Variants in DSCAM observed in about 807,000 individuals in gnomAD.
DSCAM encodes DS cell adhesion molecule.
DSCAM carries 47 observed loss-of-function variants against 217.7 expected under a neutral mutation model. The observed-to-expected ratio is 0.22, with a 90% CI of 0.17 to 0.28. The LOEUF is 0.28. Among genes scored for constraint, DSCAM ranks in the 10% least tolerant of loss-of-function variants. DSCAM has a pLI of 1.00. For synonymous variants in DSCAM, 1,056 were observed against 1,015.3 expected, an observed-to-expected ratio of 1.04 and a Z score of -0.76; for missense variants, 2,080 against 2,618.3, an observed-to-expected ratio of 0.79 and a Z score of 4.49.
intron 3 of DSCAM, among the ~76,000 whole-genome samples, chr21:40,562,418 A>T (rs976218572): frequency 8.6e-5 from 13 of 151,934 alleles, no homozygotes; most frequent in African/African-American, 3.1e-4. Flanking sequence ...GAGCTAATTA[A>T]CCTCTTTTCT....
At chr21:40,607,623 C>T (rs1482739913) in intron 3 of DSCAM, among the ~76,000 whole-genome samples, 1 of 151,990 alleles carries the variant, frequency 6.6e-6, no homozygotes, top group Non-Finnish European at 1.5e-5. Context: ...GGGGGTTTCC[C>T]TCACACTGTT....
intron 1 of DSCAM, among the ~76,000 whole-genome samples, chr21:40,755,538 GT>G (rs1450186211): frequency 1.3e-5 from 2 of 152,138 alleles, no homozygotes; most frequent in African/African-American, 2.4e-5. Context: ...GGTGGGTATG[GT>G]TTAGATGATA....
chr21:40,568,224 C>G (rs1320933606), intron 3 of DSCAM, among the ~76,000 whole-genome samples: 1 of 152,114 alleles, frequency 6.6e-6, no homozygotes, highest in African/African-American at 2.4e-5. Context: ...CTGACAGTTT[C>G]CCAAGAAGCA....
chr21:40,472,681 G>T (rs558279709), intron 3 of DSCAM, among the ~76,000 whole-genome samples: 2 of 152,276 alleles, frequency 1.3e-5, no homozygotes, highest in South Asian at 4.1e-4. Context: ...TTTCACTTGT[G>T]TGTCTGTTTT....
chr21:40,036,965 A>T (rs371239798), intron 32 of DSCAM, among the ~76,000 whole-genome samples: 21 of 150,766 alleles, frequency 1.4e-4, no homozygotes, highest in Admixed American at 4.6e-4. Flanking sequence ...AAAATTCAAC[A>T]ACCCTTCATG....
chr21:40,239,191 G>A lies in DSCAM; in HGVS notation c.2356+36906C>T, dbSNP rs535794691. Among the ~76,000 whole-genome samples the A allele has an allele frequency of 1.6e-4, 24 of 152,064 alleles. No homozygotes were observed. The South Asian group carries it at 4.0e-3, about 25-fold the overall frequency. ...CAGGATGTCAAAACCTTAAATACCC[G>A]GATACTTAAAGATGAATCGGGCCCT... On this transcript the variant is annotated intron_variant, in intron 11 of 32. Transcript: ENST00000400454.
At chr21:40,463,898 C>T (rs973766942) in intron 3 of DSCAM, among the ~76,000 whole-genome samples, 9 of 152,118 alleles carry the variant, frequency 5.9e-5, no homozygotes, top group South Asian at 2.1e-4. Flanking sequence ...TGAGCACCTC[C>T]TTTTCTGAAA....
At chr21:40,234,569 A>C (rs1601467363) in intron 11 of DSCAM, among the ~76,000 whole-genome samples, 1 of 151,718 alleles carries the variant, frequency 6.6e-6, no homozygotes, top group Non-Finnish European at 1.5e-5. Context: ...GACCATTCTA[A>C]CTCCTGTCTA....
rs1048677824 is a variant in DSCAM, at chr21:40,846,979, G to C, written c.-318C>G. The C allele has an allele frequency of 6.6e-6, 1 of 152,118 alleles. No homozygotes were observed. The highest frequency in any genetic ancestry group is 2.4e-5 in the African/African-American group (1 of 41,436). The allele number at this position is 152,118 out of a possible 1,614,324, so 9.4% of individuals were successfully genotyped here. A position where few individuals can be genotyped will look rare whatever the true frequency, so the allele number is the denominator to read the frequency against. On this transcript the variant is annotated 5_prime_UTR_variant, in exon 1 of 33. Coordinates refer to ENST00000400454, the MANE Select transcript of DSCAM (RefSeq NM_001389.5). ...GGCAGGTGGAGAGAGCCGCAGACGC[G>C]GGCGTGAGCTCATCCCGGGCACTCG...
intron 3 of DSCAM, among the ~76,000 whole-genome samples, chr21:40,670,304 T>G (rs2090256958): frequency 1.3e-5 from 2 of 152,182 alleles, no homozygotes. Flanking sequence ...CCGTTCTAAC[T>G]TTCTGCCTCT....
intron 16 of DSCAM, among the ~76,000 whole-genome samples, chr21:40,146,333 G>A (rs2090357249): frequency 6.6e-6 from 1 of 152,066 alleles, no homozygotes; most frequent in East Asian, 1.9e-4. Flanking sequence ...CCTGCAAAGG[G>A]TGCACACCTG....
At chr21:40,499,868 C>T (rs1484925657) in intron 3 of DSCAM, among the ~76,000 whole-genome samples, 1 of 152,088 alleles carries the variant, frequency 6.6e-6, no homozygotes, top group African/African-American at 2.4e-5. Context: ...GCAATCTTTG[C>T]CTCCTGGGTT....
rs1176244080 is a variant in DSCAM, at chr21:40,456,627, C to G, written c.509-87382G>C. Among the ~76,000 whole-genome samples the G allele has an allele frequency of 2.0e-5, 3 of 151,782 alleles. No homozygotes were observed. In the East Asian group the frequency reaches 5.8e-4, roughly 29 times the overall value. On this transcript the variant is annotated intron_variant, in intron 3 of 32. Transcript: ENST00000400454. Reference sequence around the variant, plus strand: ...GTTCAAAGGTAAAGTCGATTGCTATCTGAAAATTATTGTGAAGTGCAATAC... The same window carrying G: ...GTTCAAAGGTAAAGTCGATTGCTATGTGAAAATTATTGTGAAGTGCAATAC...
rs190021769 is a variant in DSCAM, at chr21:40,450,539, T to C, written c.509-81294A>G. 3.2e-3 allele frequency among the ~76,000 whole-genome samples: 487 copies of C among 152,340 alleles called. 1 individual carries two copies. Among genetic ancestry groups the C allele is most frequent in the African/African-American group, 0.011 (437 of 41,584 alleles). On this transcript the variant is annotated intron_variant, in intron 3 of 32. Coordinates refer to ENST00000400454, the MANE Select transcript of DSCAM (RefSeq NM_001389.5). The stretch of plus-strand genomic sequence containing the variant: ...CAGGGATAAAGCCCTTGATTTAGGA[T>C]TCATGGACAATGACTTCAGAACATT...
Position 40,141,975 on chromosome 21 carries a change from T to TACACACACACACACACACAC in DSCAM, c.3406+563_3406+582dup, listed in dbSNP as rs72076559. The stretch of plus-strand genomic sequence containing the variant: ...GAACATTTTGCCCTACCACTTGAAA[T>TACACACACACACACACACAC]ACACACACACACACACACACACACG... On this transcript the variant is annotated intron_variant, in intron 18 of 32. Coordinates refer to ENST00000400454, the MANE Select transcript of DSCAM (RefSeq NM_001389.5). Among the ~76,000 whole-genome samples the TACACACACACACACACACAC allele has an allele frequency of 9.2e-3, 1,319 of 143,176 alleles. 14 individuals carry two copies. The highest frequency in any genetic ancestry group is 0.017 in the South Asian group (77 of 4,468). The allele number at this position is 143,176 out of a possible 152,430, so 93.9% of individuals were successfully genotyped here. A position where few individuals can be genotyped will look rare whatever the true frequency, so the allele number is the denominator to read the frequency against.
intron 9 of DSCAM, among the ~76,000 whole-genome samples, chr21:40,310,051 G>T (rs1303571111): frequency 2.0e-5 from 3 of 152,204 alleles, no homozygotes; most frequent in Admixed American, 2.0e-4. Context: ...GAATAAACCT[G>T]TGGATTTTAC....
chr21:40,285,820 T>G (rs1389543135), intron 10 of DSCAM, among the ~76,000 whole-genome samples: 2 of 152,192 alleles, frequency 1.3e-5, no homozygotes, highest in Non-Finnish European at 2.9e-5. Context: ...TTGGATTATT[T>G]GAATTCTTTC....
intron 3 of DSCAM, among the ~76,000 whole-genome samples, chr21:40,574,673 A>C (rs184263441): frequency 6.1e-4 from 92 of 152,054 alleles, no homozygotes; most frequent in Middle Eastern, 3.4e-3. Context: ...AAAGCCAAAC[A>C]ATGTCAAAAA....
intron 1 of DSCAM, among the ~76,000 whole-genome samples, chr21:40,757,931 T>C (rs2091291921): frequency 6.6e-6 from 1 of 152,226 alleles, no homozygotes. Context: ...TACCCGTGGA[T>C]GTGACCTTAT....
Sources: gnomAD v4.1 joint callset for allele counts (sites outside exome capture counted in the v4.1 genomes callset) on GRCh38, gnomAD v4.1.1 for gene constraint, MANE v1.5 for transcripts, NCBI Gene and HGNC (gene_info 2026-07-23, HGNC 2026-07-21) for gene names.